OTUD7A: variants seen among roughly 807,000 people sequenced by gnomAD.
OTUD7A encodes the protein OTU domain-containing protein 7A.
Under a neutral mutation model 65.7 loss-of-function variants are expected in OTUD7A, and 12 were observed. The observed-to-expected ratio is 0.18, with a 90% CI of 0.12 to 0.30. The LOEUF (loss-of-function observed/expected upper bound fraction) is 0.30. Ranked by LOEUF, OTUD7A falls within the 10% of genes least tolerant of loss-of-function variation. The pLI, the probability that OTUD7A is intolerant of heterozygous loss-of-function variation, is 1.00. For missense variants in OTUD7A, 1,148 were observed against 1,304.8 expected, an observed-to-expected ratio of 0.88 and a Z score of 1.85; for synonymous variants, 641 against 586.3, an observed-to-expected ratio of 1.09 and a Z score of -1.35.
Position 31,766,988 on chromosome 15 carries a change from T to C in OTUD7A, c.-100+103519A>G, listed in dbSNP as rs919615701. 4 of 1,610,912 alleles carry C rather than the reference T, an allele frequency of 2.5e-6. No individual in the cohort carries two copies. In the African/African-American group the frequency reaches 5.3e-5, roughly 22 times the overall value. On this transcript the variant is annotated intron_variant, in intron 1 of 12. Transcript: ENST00000307050. ...CTTAACCCTATTAAATTATGACAACTTCCTCCCATTATGTCATTAGCACTC... is the reference window on the plus strand; with the variant it reads ...CTTAACCCTATTAAATTATGACAACCTCCTCCCATTATGTCATTAGCACTC...
At chr15:31,584,628 A>T (rs940993920) in intron 3 of OTUD7A, among the ~76,000 whole-genome samples, 1 of 152,240 alleles carries the variant, frequency 6.6e-6, no homozygotes, top group Admixed American at 6.5e-5. Context: ...TACACATCCA[A>T]AGAATCGCAA....
intron 1 of OTUD7A, among the ~76,000 whole-genome samples, chr15:31,865,023 TG>T (rs1897842289): frequency 1.0e-5 from 1 of 99,552 alleles, no homozygotes; most frequent in African/African-American, 3.1e-5. Context: ...TCTGCCCTTG[TG>T]GCCCCCCCCT....
chr15:31,580,607 G>C (rs1156902520), intron 3 of OTUD7A, among the ~76,000 whole-genome samples: 6 of 152,138 alleles, frequency 3.9e-5, no homozygotes, highest in African/African-American at 1.4e-4. Flanking sequence ...ACATGGCTGG[G>C]GAGGCCTGAC....
chr15:31,743,569 G>A (rs1375179294), intron 1 of OTUD7A, among the ~76,000 whole-genome samples: 3 of 151,616 alleles, frequency 2.0e-5, no homozygotes, highest in African/African-American at 7.3e-5. Flanking sequence ...AAAGTAAGTA[G>A]AAAGAAGGAA....
intron 1 of OTUD7A, among the ~76,000 whole-genome samples, chr15:31,789,633 A>G (rs1380712460): frequency 1.3e-5 from 2 of 151,928 alleles, no homozygotes; most frequent in Non-Finnish European, 2.9e-5. Flanking sequence ...CAATAGAAAC[A>G]TATCTGTCTC....
chr15:31,696,851 G>C (rs940574428), intron 1 of OTUD7A, among the ~76,000 whole-genome samples: 10 of 150,036 alleles, frequency 6.7e-5, no homozygotes, highest in Admixed American at 2.6e-4. Context: ...AGGAGGAGTG[G>C]GGAGTCCAAG....
intron 1 of OTUD7A, among the ~76,000 whole-genome samples, chr15:31,844,830 C>T (rs555067535): frequency 3.3e-5 from 5 of 152,356 alleles, no homozygotes; most frequent in Admixed American, 2.6e-4. Flanking sequence ...AGGCAATGCC[C>T]TGCCAGGAAC....
chr15:31,796,890 A>G (rs1301623256), intron 1 of OTUD7A, among the ~76,000 whole-genome samples: 1 of 152,164 alleles, frequency 6.6e-6, no homozygotes, highest in Non-Finnish European at 1.5e-5. Flanking sequence ...ATGCACCACC[A>G]TACCCGGCTG....
At chr15:31,858,419 G>T (rs927448266) in intron 1 of OTUD7A, among the ~76,000 whole-genome samples, 9 of 152,296 alleles carry the variant, frequency 5.9e-5, no homozygotes, top group South Asian at 2.1e-4. Context: ...GAGAAAATTG[G>T]GGCCAGAGGA....
chr15:31,486,050 G>T (rs1460489996), intron 12 of OTUD7A, among the ~76,000 whole-genome samples: 1 of 152,164 alleles, frequency 6.6e-6, no homozygotes, highest in Admixed American at 6.5e-5. Flanking sequence ...ACTGAGAGCG[G>T]GCTCAGGAGT....
rs548847358 is a variant in OTUD7A at position 31,667,941 on chromosome 15, G to T, written c.-99-10864C>A. ...GCATACAAAATTCTTAGCTGAAAAT[G>T]GTTTCATTTGAGGATACTGAAGATA... On this transcript the variant is annotated intron_variant, in intron 1 of 12. Transcript: ENST00000307050. 1.1e-4 allele frequency among the ~76,000 whole-genome samples: 17 copies of T among 152,214 alleles called. 1 individual carries two copies. The highest frequency in any genetic ancestry group is 6.8e-3 in the Middle Eastern group (2 of 294).
In OTUD7A at chr15:31,526,358, G is replaced by A. The variant is rs767123271; in HGVS notation, c.884C>T (p.Thr295Met). The A allele has an allele frequency of 1.4e-5, 22 of 1,595,296 alleles. No homozygotes were observed. The highest frequency in any genetic ancestry group is 1.7e-5 in the Admixed American group (1 of 59,004). Residue 295 changes from threonine to methionine, a missense_variant, in exon 8 of 13, where the codon ACG becomes ATG. Thr to Met is a moderately conservative substitution (Grantham distance 81). Transcript: ENST00000307050. Reference sequence around the variant, plus strand: ...CAGGGGCAGCACTTACCCCCCGCCCGTGCCGCCATTCTTGCTGAAGTGTGT... The same window carrying A: ...CAGGGGCAGCACTTACCCCCCGCCCATGCCGCCATTCTTGCTGAAGTGTGT... ...PRTHFSKNGG[T>M]GGGVDNSEDP... is the part of the protein sequence containing the mutation.
intron 3 of OTUD7A, among the ~76,000 whole-genome samples, chr15:31,585,550 G>T (rs1368641670): frequency 6.6e-6 from 1 of 152,156 alleles, no homozygotes; most frequent in African/African-American, 2.4e-5. Context: ...TCCCCACCCG[G>T]CATCCCCAGG....
chr15:31,608,544 T>G (rs1309765244), intron 3 of OTUD7A, among the ~76,000 whole-genome samples: 1 of 152,114 alleles, frequency 6.6e-6, no homozygotes, highest in African/African-American at 2.4e-5. Flanking sequence ...TTTTGACACA[T>G]GTGCACAGAA....
At chr15:31,658,634 G>A (rs1892062668) in intron 1 of OTUD7A, among the ~76,000 whole-genome samples, 1 of 152,168 alleles carries the variant, frequency 6.6e-6, no homozygotes, top group Non-Finnish European at 1.5e-5. Context: ...GGATTTGGAA[G>A]ACACTTAGTG....
chr15:31,526,078 G>C (rs1025861542), intron 8 of OTUD7A, among the ~76,000 whole-genome samples: 2 of 152,244 alleles, frequency 1.3e-5, no homozygotes, highest in Non-Finnish European at 2.9e-5. Context: ...AAGGAAAGTG[G>C]CCTGGAGGCA....
chr15:31,739,211 G>A (rs1175737782), intron 1 of OTUD7A, among the ~76,000 whole-genome samples: 1 of 152,200 alleles, frequency 6.6e-6, no homozygotes, highest in African/African-American at 2.4e-5. Flanking sequence ...TGGAGCCAGT[G>A]TAGGGACCCA....
intron 5 of OTUD7A, among the ~76,000 whole-genome samples, chr15:31,544,129 A>G (rs1002922931): frequency 1.3e-5 from 2 of 151,908 alleles, no homozygotes; most frequent in Non-Finnish European, 3.0e-5. Flanking sequence ...AGCACTTACA[A>G]TAATTCATGG....
At position 31,510,898 on chromosome 15, in the gene OTUD7A, TG is replaced by T. The variant is rs1325525225; in HGVS notation, c.894-7081del. 2.0e-4 allele frequency among the ~76,000 whole-genome samples: 8 copies of T among 40,170 alleles called. 3 individuals are homozygous for T. The East Asian group carries it at 6.1e-3, about 30-fold the overall frequency. The allele number at this position is 40,170 out of a possible 152,430, so 26.4% of individuals were successfully genotyped here. On this transcript the variant is annotated intron_variant, in intron 8 of 12. Coordinates refer to ENST00000307050, the MANE Select transcript of OTUD7A (RefSeq NM_001382637.1). ...TATGTAACATATATGTATATCTATA[TG>T]TAACATATATGTATATCTATATGTA...
Sources: allele counts gnomAD v4.1 joint callset (sites outside exome capture counted in the v4.1 genomes callset), GRCh38; gene constraint gnomAD v4.1.1; transcripts MANE v1.5; gene names NCBI Gene and HGNC (gene_info 2026-07-23, HGNC 2026-07-21).